PPFIA2: variants seen among roughly 807,000 people sequenced by gnomAD.
The protein encoded by PPFIA2 is liprin-alpha-2.
In PPFIA2, 46 loss-of-function variants were observed where a neutral mutation model predicts 175.5. That is an observed-to-expected ratio of 0.26 (90% CI 0.21 to 0.34). PPFIA2 has a LOEUF of 0.34. PPFIA2 is among the 10% of genes least tolerant of loss of function. The pLI is 1.00. For missense variants in PPFIA2, 1,179 were observed against 1,506.1 expected, an observed-to-expected ratio of 0.78 and a Z score of 3.60; for synonymous variants, 568 against 511.4, an observed-to-expected ratio of 1.11 and a Z score of -1.49.
chr12:81,450,647 G>T (rs1293541097), intron 5 of PPFIA2, among the ~76,000 whole-genome samples: 2 of 152,208 alleles, frequency 1.3e-5, no homozygotes, highest in East Asian at 3.9e-4. Context: ...AGTTTAATTA[G>T]ATCCCATTTG....
intron 30 of PPFIA2, among the ~76,000 whole-genome samples, chr12:81,265,807 T>C (rs2037081126): frequency 6.6e-6 from 1 of 152,194 alleles, no homozygotes; most frequent in African/African-American, 2.4e-5. Flanking sequence ...ATATGACAAC[T>C]CTTCAATAAT....
intron 5 of PPFIA2, among the ~76,000 whole-genome samples, chr12:81,451,939 C>A (rs147975262): frequency 3.3e-5 from 5 of 152,228 alleles, no homozygotes; most frequent in African/African-American, 1.2e-4. Context: ...ACAACTTTAG[C>A]CTAATATTTA....
At chr12:81,283,962 A>G (rs1250782608) in intron 25 of PPFIA2, among the ~76,000 whole-genome samples, 4 of 152,270 alleles carry the variant, frequency 2.6e-5, no homozygotes, top group African/African-American at 9.6e-5. Flanking sequence ...ATTTGTTACA[A>G]AAACTTCCAA....
chr12:81,750,755 T>A (rs2083652406), intron 3 of PPFIA2, among the ~76,000 whole-genome samples: 1 of 152,162 alleles, frequency 6.6e-6, no homozygotes. Flanking sequence ...TATAAAGAAA[T>A]AATAGGAGAG....
At chr12:81,611,841 C>A (rs1345300161) in intron 4 of PPFIA2, among the ~76,000 whole-genome samples, 1 of 152,120 alleles carries the variant, frequency 6.6e-6, no homozygotes, top group Non-Finnish European at 1.5e-5. Flanking sequence ...GGAGAGATCT[C>A]CTGACATCTC....
At position 81,466,683 on chromosome 12, in the gene PPFIA2, G is replaced by A. The variant is rs1285297810; in HGVS notation, c.304-8817C>T. Among the ~76,000 whole-genome samples the A allele has an allele frequency of 2.0e-5, 3 of 151,598 alleles. No individual in the cohort carries two copies. The South Asian group carries it at 6.2e-4, about 31-fold the overall frequency. ...GCTTGTTTTTAAACCCTGGAGAGCC[G>A]GTACTACAGATTGTTTTTAAATCCT... On this transcript the variant is annotated intron_variant, in intron 4 of 32. Transcript: ENST00000549396.
intron 4 of PPFIA2, among the ~76,000 whole-genome samples, chr12:81,490,880 T>C (rs1205701482): frequency 6.6e-6 from 1 of 152,002 alleles, no homozygotes; most frequent in African/African-American, 2.4e-5. Context: ...ACCTCGTCTA[T>C]GGAAGCAAAT....
intron 3 of PPFIA2, among the ~76,000 whole-genome samples, chr12:81,744,949 A>T (rs1043580001): frequency 4.6e-5 from 7 of 152,150 alleles, no homozygotes; most frequent in African/African-American, 1.7e-4. Context: ...GCAAAATGGG[A>T]ATAGTAATAA....
intron 4 of PPFIA2, among the ~76,000 whole-genome samples, chr12:81,665,377 C>T (rs185151730): frequency 6.6e-6 from 1 of 151,858 alleles, no homozygotes; most frequent in East Asian, 1.9e-4. Flanking sequence ...AAAATGCTTC[C>T]CACATTTGTA....
intron 3 of PPFIA2, among the ~76,000 whole-genome samples, chr12:81,740,896 C>G (rs752763466): frequency 6.6e-6 from 1 of 152,046 alleles, no homozygotes; most frequent in Non-Finnish European, 1.5e-5. Flanking sequence ...AAATATTCTA[C>G]TTTTCATTTT....
chr12:81,499,530 G>A (rs1168215618), intron 4 of PPFIA2, among the ~76,000 whole-genome samples: 4 of 152,084 alleles, frequency 2.6e-5, no homozygotes, highest in Non-Finnish European at 5.9e-5. Flanking sequence ...AAAGGGGAGA[G>A]GAGTCACCAC....
chr12:81,286,521 C>G (rs985948270), intron 24 of PPFIA2, among the ~76,000 whole-genome samples: 2 of 151,952 alleles, frequency 1.3e-5, no homozygotes, highest in African/African-American at 4.8e-5. Flanking sequence ...TCATGCTGTG[C>G]AGGTTTGTAC....
At chr12:81,655,213 G>A (rs185686592) in intron 4 of PPFIA2, among the ~76,000 whole-genome samples, 2 of 151,584 alleles carry the variant, frequency 1.3e-5, no homozygotes, top group Non-Finnish European at 2.9e-5. Context: ...TGATGAACCC[G>A]CCAGAGAGTT....
intron 4 of PPFIA2, among the ~76,000 whole-genome samples, chr12:81,517,606 C>T: frequency 6.6e-6 from 1 of 152,110 alleles, no homozygotes; most frequent in African/African-American, 2.4e-5. Context: ...ACTGAACCTC[C>T]ATCACATTGA....
At chr12:81,541,901 C>G (rs2066273915) in intron 4 of PPFIA2, among the ~76,000 whole-genome samples, 1 of 151,790 alleles carries the variant, frequency 6.6e-6, no homozygotes, top group Non-Finnish European at 1.5e-5. Flanking sequence ...AAGTTACAGA[C>G]AAGCAAGCTT....
chr12:81,570,117 T>C (rs1318988878), intron 4 of PPFIA2, among the ~76,000 whole-genome samples: 1 of 152,320 alleles, frequency 6.6e-6, no homozygotes, highest in African/African-American at 2.4e-5. Flanking sequence ...TACTACTTCC[T>C]ATTTCTCAAA....
chr12:81,677,734 T>C (rs2072827054), intron 3 of PPFIA2, among the ~76,000 whole-genome samples: 1 of 151,972 alleles, frequency 6.6e-6, no homozygotes, highest in East Asian at 1.9e-4. Context: ...AGATCGATTT[T>C]TAACCTTTAA....
At chr12:81,316,052 T>C (rs1191224274) in intron 22 of PPFIA2, among the ~76,000 whole-genome samples, 2 of 151,628 alleles carry the variant, frequency 1.3e-5, no homozygotes, top group African/African-American at 2.4e-5. Flanking sequence ...ATGGAGAATC[T>C]GAACCAAAGA....
rs5799531 is a variant in PPFIA2 at position 81,493,754 on chromosome 12, C to CTATATATATATATA, written c.304-35902_304-35889dup. 3.8e-4 allele frequency among the ~76,000 whole-genome samples: 39 copies of CTATATATATATATA among 102,092 alleles called. 1 individual carries two copies. Among genetic ancestry groups the CTATATATATATATA allele is most frequent in the African/African-American group, 8.2e-4 (20 of 24,262 alleles). 67.0% of individuals were successfully genotyped at this position (102,092 alleles called of 152,430 possible). A position where few individuals can be genotyped will look rare whatever the true frequency, so the allele number is the denominator to read the frequency against. Reference sequence around the variant, plus strand: ...TTTGTGTGTGTGTGTGTGTGTGTGTCTATATATATATATATATATATATAT... The same window carrying CTATATATATATATA: ...TTTGTGTGTGTGTGTGTGTGTGTGTCTATATATATATATATATATATATATATATATATATATAT... On this transcript the variant is annotated intron_variant, in intron 4 of 32. Transcript: ENST00000549396.
Sources: gnomAD v4.1 joint callset for allele counts (sites outside exome capture counted in the v4.1 genomes callset) on GRCh38, gnomAD v4.1.1 for gene constraint, MANE v1.5 for transcripts, NCBI Gene and HGNC (gene_info 2026-07-23, HGNC 2026-07-21) for gene names.